The following PDE4D variants were observed in gnomAD, a reference collection of about 807,000 sequenced individuals.
PDE4D encodes 3',5'-cyclic-AMP phosphodiesterase 4D.
PDE4D carries 24 observed loss-of-function variants against 87.4 expected under a neutral mutation model. The observed-to-expected ratio is 0.27, with a 90% confidence interval of 0.20 to 0.39. The LOEUF is 0.39. Ranked by LOEUF, PDE4D falls within the 10% of genes least tolerant of loss-of-function variation. The probability of loss-of-function intolerance (pLI) is 1.00; values close to 1 mark genes in which losing one functional copy is unlikely to be tolerated. For synonymous variants in PDE4D, 384 were observed against 383.2 expected (o/e 1.00, Z -0.02); for missense variants, 714 against 1,041.0 (o/e 0.69, Z 4.32).
chr5:59,250,339 A>T (rs955848996), intron 1 of PDE4D, among the ~76,000 whole-genome samples: 1 of 151,682 alleles, frequency 6.6e-6, no homozygotes, highest in African/African-American at 2.4e-5. Context: ...AAAAATTAAA[A>T]AAAACAAGCC....
chr5:59,339,310 A>C (rs550300664), intron 1 of PDE4D, among the ~76,000 whole-genome samples: 1 of 152,206 alleles, frequency 6.6e-6, no homozygotes, highest in South Asian at 2.1e-4. Flanking sequence ...ATATTTTCTC[A>C]AAGCCATTTT....
intron 1 of PDE4D, among the ~76,000 whole-genome samples, chr5:60,344,645 A>T (rs998785484): frequency 3.3e-5 from 5 of 152,160 alleles, no homozygotes; most frequent in African/African-American, 1.2e-4. Context: ...CAGTCTTATT[A>T]CGAAAGCAAT....
At chr5:60,089,525 T>C (rs1774882872) in intron 2 of PDE4D, among the ~76,000 whole-genome samples, 3 of 151,762 alleles carry the variant, frequency 2.0e-5, no homozygotes, top group Admixed American at 2.0e-4. Flanking sequence ...TACAAAAACC[T>C]AGAGGATATA....
At chr5:60,429,953 C>T (rs929187696) in intron 1 of PDE4D, 62 of 512,706 alleles carry the variant, frequency 1.2e-4, no homozygotes, top group African/African-American at 7.2e-4. Context: ...GTAACAGGTA[C>T]GTAGGCAACC....
intron 1 of PDE4D, among the ~76,000 whole-genome samples, chr5:59,473,116 A>G (rs1341881394): frequency 1.3e-5 from 2 of 151,204 alleles, no homozygotes; most frequent in Non-Finnish European, 3.0e-5. Flanking sequence ...GAAAATATGG[A>G]AAGAAAGAAT....
intron 1 of PDE4D, among the ~76,000 whole-genome samples, chr5:59,530,113 G>A (rs1457427296): frequency 6.6e-6 from 1 of 152,170 alleles, no homozygotes; most frequent in Non-Finnish European, 1.5e-5. Context: ...GAGTAGCAAG[G>A]TAAGGCGTAT....
intron 1 of PDE4D, among the ~76,000 whole-genome samples, chr5:60,240,119 T>TATTA (rs1483959753): frequency 6.6e-6 from 1 of 152,122 alleles, no homozygotes; most frequent in African/African-American, 2.4e-5. Flanking sequence ...TTTTATATAT[T>TATTA]ATTAATACAC....
intron 1 of PDE4D, among the ~76,000 whole-genome samples, chr5:59,360,993 A>G (rs901848569): frequency 1.3e-5 from 2 of 152,338 alleles, no homozygotes; most frequent in East Asian, 3.9e-4. Context: ...ATGATAAAAA[A>G]TCAATATGAC....
chr5:59,240,827 C>A (rs751903388), intron 1 of PDE4D, among the ~76,000 whole-genome samples: 2 of 151,620 alleles, frequency 1.3e-5, no homozygotes, highest in South Asian at 4.2e-4. Flanking sequence ...GGATGTAATT[C>A]CATAAAGTTC....
chr5:59,414,104 T>G (rs548443862), intron 1 of PDE4D, among the ~76,000 whole-genome samples: 1 of 152,340 alleles, frequency 6.6e-6, no homozygotes, highest in South Asian at 2.1e-4. Flanking sequence ...TGATTACATA[T>G]CCTATGACTG....
intron 2 of PDE4D, among the ~76,000 whole-genome samples, chr5:59,197,294 C>CG (rs1745670813): frequency 6.6e-6 from 1 of 151,910 alleles, no homozygotes; most frequent in Non-Finnish European, 1.5e-5. Flanking sequence ...ATTTACCAGC[C>CG]TTTTTTCCCT....
chr5:59,519,687 G>A (rs1811847214), intron 1 of PDE4D, among the ~76,000 whole-genome samples: 1 of 152,182 alleles, frequency 6.6e-6, no homozygotes, highest in Non-Finnish European at 1.5e-5. Flanking sequence ...GCCATTGGAT[G>A]GCTTTGAGCA....
chr5:60,245,277 C>G (rs1562253856), intron 1 of PDE4D, among the ~76,000 whole-genome samples: 1 of 151,768 alleles, frequency 6.6e-6, no homozygotes, highest in Non-Finnish European at 1.5e-5. Context: ...AAAAGACAGG[C>G]AACAACAAAT....
chr5:59,666,590 G>T (rs190414004), intron 1 of PDE4D, among the ~76,000 whole-genome samples: 1 of 152,134 alleles, frequency 6.6e-6, no homozygotes, highest in Non-Finnish European at 1.5e-5. Flanking sequence ...ATACAGTTCC[G>T]TCACTGCATT....
intron 1 of PDE4D, chr5:60,459,840 A>C: frequency 1.7e-6 from 1 of 583,680 alleles, no homozygotes; most frequent in East Asian, 3.0e-5. Flanking sequence ...GGAACCTATC[A>C]GTGTTCTAGT....
intron 1 of PDE4D, among the ~76,000 whole-genome samples, chr5:59,665,465 T>C (rs931341118): frequency 9.2e-5 from 14 of 152,228 alleles, no homozygotes; most frequent in African/African-American, 2.9e-4. Context: ...AAAAGTGATC[T>C]AATCCACCTG....
At chr5:60,295,572 G>C (rs1753305130) in intron 1 of PDE4D, among the ~76,000 whole-genome samples, 1 of 152,134 alleles carries the variant, frequency 6.6e-6, no homozygotes, top group Non-Finnish European at 1.5e-5. Flanking sequence ...ATGTTTAGCA[G>C]CAACCCTGGC....
At chr5:60,066,724 G>T (rs954880980) in intron 2 of PDE4D, among the ~76,000 whole-genome samples, 4 of 151,918 alleles carry the variant, frequency 2.6e-5, no homozygotes, top group African/African-American at 9.7e-5. Context: ...CATTACCCTG[G>T]CTTAGTCTAC....
chr5:59,032,453 G>A (rs1197967245), intron 6 of PDE4D, among the ~76,000 whole-genome samples: 2 of 152,178 alleles, frequency 1.3e-5, no homozygotes, highest in East Asian at 1.9e-4. Flanking sequence ...GGTGGCATGC[G>A]CCTGTAGTCC....
Sources: allele counts gnomAD v4.1 joint callset (sites outside exome capture counted in the v4.1 genomes callset), GRCh38; gene constraint gnomAD v4.1.1; transcripts MANE v1.5; gene names NCBI Gene and HGNC (gene_info 2026-07-23, HGNC 2026-07-21).